H2BN1: variants seen among roughly 807,000 people sequenced by gnomAD.
H2BN1 encodes the protein histone H2B.N.
chr17:32,899,712 G>T, the H2BN1 span, among the ~76,000 whole-genome samples: 349 of 152,262 alleles, frequency 2.3e-3, 2 homozygotes, highest in African/African-American at 7.1e-3. Flanking sequence ...AAACAAATAT[G>T]TTTTAAAGTT....
the H2BN1 span, among the ~76,000 whole-genome samples, chr17:32,903,032 A>G: frequency 6.6e-6 from 1 of 152,130 alleles, no homozygotes; most frequent in Admixed American, 6.6e-5. Flanking sequence ...TTACTTTACC[A>G]ATAATGTTAA....
the H2BN1 span, among the ~76,000 whole-genome samples, chr17:32,895,669 C>T: frequency 6.6e-6 from 1 of 152,282 alleles, no homozygotes; most frequent in African/African-American, 2.4e-5. Flanking sequence ...GTTAGCGGCC[C>T]TGGGTATCAT....
At chr17:32,899,923 G>A in the H2BN1 span, among the ~76,000 whole-genome samples, 1 of 152,278 alleles carries the variant, frequency 6.6e-6, no homozygotes, top group East Asian at 1.9e-4. Context: ...CTTCTATTCT[G>A]ATGTCACAGT....
the H2BN1 span, among the ~76,000 whole-genome samples, chr17:32,904,806 A>AT: frequency 6.6e-6 from 1 of 151,602 alleles, no homozygotes; most frequent in Admixed American, 6.6e-5. Context: ...AACCAAATGC[A>AT]TTTTTTAACT....
the H2BN1 span, among the ~76,000 whole-genome samples, chr17:32,901,488 G>A: frequency 6.6e-6 from 1 of 152,014 alleles, no homozygotes; most frequent in Non-Finnish European, 1.5e-5. Context: ...TTAATTTCTG[G>A]CCCTGTGACT....
chr17:32,902,711 G>C, the H2BN1 span, among the ~76,000 whole-genome samples: 1 of 152,090 alleles, frequency 6.6e-6, no homozygotes, highest in African/African-American at 2.4e-5. Flanking sequence ...GTGGTGGTGG[G>C]CACCTGTAGT....
chr17:32,900,727 G>A, the H2BN1 span, among the ~76,000 whole-genome samples: 38 of 151,952 alleles, frequency 2.5e-4, no homozygotes, highest in African/African-American at 8.7e-4. Context: ...GACTACAGGC[G>A]CCTGCCACCA....
At chr17:32,906,511 A>G in the H2BN1 span, 8 of 152,256 alleles carry the variant, frequency 5.3e-5, no homozygotes, top group African/African-American at 1.9e-4. Flanking sequence ...CTACACACCT[A>G]GTCTCTGGGT....
chr17:32,899,323 C>G, the H2BN1 span, among the ~76,000 whole-genome samples: 2 of 152,062 alleles, frequency 1.3e-5, no homozygotes, highest in South Asian at 4.2e-4. Context: ...GGATTTGTAC[C>G]ATCAAATACC....
the H2BN1 span, among the ~76,000 whole-genome samples, chr17:32,897,600 T>G: frequency 5.9e-5 from 9 of 152,150 alleles, no homozygotes; most frequent in African/African-American, 2.2e-4. Flanking sequence ...GTGCCAATGT[T>G]CTCAGTGGGA....
At chr17:32,902,075 C>G in the H2BN1 span, among the ~76,000 whole-genome samples, 1 of 150,842 alleles carries the variant, frequency 6.6e-6, no homozygotes, top group African/African-American at 2.4e-5. Flanking sequence ...ATCTACCGTA[C>G]AAGACTCTTT....
At chr17:32,899,983 T>C in the H2BN1 span, among the ~76,000 whole-genome samples, 2 of 152,260 alleles carry the variant, frequency 1.3e-5, no homozygotes, top group Non-Finnish European at 2.9e-5. Context: ...TAGAGCTTTA[T>C]GGTTGTTTAT....
the H2BN1 span, among the ~76,000 whole-genome samples, chr17:32,900,852 A>G: frequency 6.6e-6 from 1 of 151,560 alleles, no homozygotes; most frequent in South Asian, 2.1e-4. Context: ...AAGTGCTGGG[A>G]TTACAGGTGT....
chr17:32,897,394 C>CACAG, the H2BN1 span, among the ~76,000 whole-genome samples: 2 of 143,094 alleles, frequency 1.4e-5, no homozygotes, highest in Admixed American at 7.0e-5. Context: ...CACACACACA[C>CACAG]AGCAACAAGA....
the H2BN1 span, among the ~76,000 whole-genome samples, chr17:32,905,401 G>A: frequency 2.6e-4 from 39 of 152,238 alleles, no homozygotes; most frequent in East Asian, 3.3e-3. Flanking sequence ...ACCAAGCACC[G>A]ACAAGAGATT....
the H2BN1 span, chr17:32,905,700 C>G: frequency 1.3e-5 from 2 of 152,200 alleles, no homozygotes; most frequent in East Asian, 3.9e-4. Flanking sequence ...ATAAGATGTA[C>G]ATTGGTTCCA....
chr17:32,902,495 C>G, the H2BN1 span, among the ~76,000 whole-genome samples: 1 of 152,168 alleles, frequency 6.6e-6, no homozygotes, highest in African/African-American at 2.4e-5. Context: ...GGTAATCTTA[C>G]TAAATTCAAG....
the H2BN1 span, among the ~76,000 whole-genome samples, chr17:32,898,997 G>T: frequency 6.6e-6 from 1 of 152,158 alleles, no homozygotes; most frequent in Non-Finnish European, 1.5e-5. Context: ...TTATTTTGAA[G>T]ACTTGTAGCC....
At chr17:32,901,156 A>G in the H2BN1 span, among the ~76,000 whole-genome samples, 2 of 152,194 alleles carry the variant, frequency 1.3e-5, no homozygotes, top group Non-Finnish European at 2.9e-5. Flanking sequence ...GCACTGAGCC[A>G]TTATCACGCC....
Sources: gnomAD v4.1 joint callset for allele counts (sites outside exome capture counted in the v4.1 genomes callset) on GRCh38, gnomAD v4.1.1 for gene constraint, MANE v1.5 for transcripts, NCBI Gene and HGNC (gene_info 2026-07-23, HGNC 2026-07-21) for gene names.